Variants in SGMS1 observed in about 807,000 individuals in gnomAD.
The protein encoded by SGMS1 is phosphatidylcholine:ceramide cholinephosphotransferase 1.
SGMS1 carries 13 observed loss-of-function variants against 46.2 expected under a neutral mutation model. The ratio of observed to expected loss-of-function variants is 0.28; its 90% CI spans 0.18 to 0.45. The LOEUF is 0.45. Among genes scored for constraint, SGMS1 ranks in the 20% least tolerant of loss-of-function variants. SGMS1 has a pLI of 1.00. For missense variants in SGMS1, 324 were observed against 519.9 expected, an observed-to-expected ratio of 0.62 and a Z score of 3.66; for synonymous variants, 203 against 187.8, an observed-to-expected ratio of 1.08 and a Z score of -0.66.
At chr10:50,561,518 C>T (rs868102355) in intron 2 of SGMS1, among the ~76,000 whole-genome samples, 1 of 152,216 alleles carries the variant, frequency 6.6e-6, no homozygotes, top group African/African-American at 2.4e-5. Flanking sequence ...TAGTTCGTCA[C>T]ATTGATGCCA....
In SGMS1 at chr10:50,514,219, G is replaced by A. The variant is rs1473783020; in HGVS notation, c.-498+5612C>T. ...TGTCCATTTTTCCAAACTCATAAAA[G>A]GGCGAGGAGAAGAAAAACTAACATT... On this transcript the variant is annotated intron_variant, in intron 3 of 10. Coordinates refer to ENST00000361781, the MANE Select transcript of SGMS1 (RefSeq NM_147156.4). Among the ~76,000 whole-genome samples the A allele has an allele frequency of 3.9e-5, 6 of 152,128 alleles. No individual in the cohort carries two copies. The East Asian group carries it at 9.6e-4, about 24-fold the overall frequency.
chr10:50,355,569 T>G (rs1281785991), intron 6 of SGMS1, among the ~76,000 whole-genome samples: 1 of 152,142 alleles, frequency 6.6e-6, no homozygotes, highest in African/African-American at 2.4e-5. Flanking sequence ...TCTCGCTCAC[T>G]CAGTGCTCAA....
chr10:50,624,971 G>A, upstream of SGMS1: 1 of 1,039,926 alleles, frequency 9.6e-7, no homozygotes, highest in South Asian at 2.6e-5. Flanking sequence ...CGGCCATCGG[G>A]CCGCGGGCGC....
chr10:50,483,227 G>A (rs1837492333), intron 3 of SGMS1, among the ~76,000 whole-genome samples: 2 of 152,118 alleles, frequency 1.3e-5, no homozygotes, highest in South Asian at 4.1e-4. Context: ...TTAGAGGCAT[G>A]CACCACCATA....
rs1847877816 is a variant in SGMS1, at chr10:50,344,306, A to T, written c.-192T>A. ...AGCTGTCCAGGGTTCCTGAGCGCCCAAGTATTAATTCACCTCATTTTTGAG... is the reference window on the plus strand; with the variant it reads ...AGCTGTCCAGGGTTCCTGAGCGCCCTAGTATTAATTCACCTCATTTTTGAG... On this transcript the variant is annotated 5_prime_UTR_variant, in exon 7 of 11. Transcript: ENST00000361781. 1.6e-5 allele frequency: 9 copies of T among 574,750 alleles called. No individual in the cohort carries two copies. The highest frequency in any genetic ancestry group is 2.6e-5 in the Non-Finnish European group (9 of 344,142). 35.6% of individuals were successfully genotyped at this position (574,750 alleles called of 1,614,324 possible).
chr10:50,316,492 T>C (rs765526460), intron 8 of SGMS1, among the ~76,000 whole-genome samples: 6 of 152,194 alleles, frequency 3.9e-5, no homozygotes, highest in Non-Finnish European at 7.3e-5. Context: ...CTCACAAGCT[T>C]GGATAAACCA....
chr10:50,559,053 C>A (rs1372816694), intron 2 of SGMS1, among the ~76,000 whole-genome samples: 1 of 152,096 alleles, frequency 6.6e-6, no homozygotes, highest in Admixed American at 6.5e-5. Flanking sequence ...CTGCTGCAGA[C>A]TGGCCCAGAG....
chr10:50,504,670 C>T (rs1195918530), intron 3 of SGMS1, among the ~76,000 whole-genome samples: 2 of 152,086 alleles, frequency 1.3e-5, no homozygotes, highest in South Asian at 2.1e-4. Context: ...ACTATATACA[C>T]AGCCTCCTAT....
chr10:50,356,362 A>G (rs1459021634), intron 6 of SGMS1, among the ~76,000 whole-genome samples: 4 of 152,092 alleles, frequency 2.6e-5, no homozygotes, highest in East Asian at 1.9e-4. Context: ...AAGGCAGCAT[A>G]CTCCTTAAGA....
intron 1 of SGMS1, among the ~76,000 whole-genome samples, chr10:50,609,748 A>G (rs1161217800): frequency 6.6e-6 from 1 of 152,160 alleles, no homozygotes; most frequent in Non-Finnish European, 1.5e-5. Context: ...ATTTCTTAAA[A>G]TAAGCCCCTA....
chr10:50,562,105 C>T (rs967095418), intron 2 of SGMS1, among the ~76,000 whole-genome samples: 2 of 152,150 alleles, frequency 1.3e-5, no homozygotes, highest in Admixed American at 6.5e-5. Context: ...CTCAGGCCTA[C>T]GCTTTCTTTT....
chr10:50,474,224 GACA>G (rs1837400948), intron 3 of SGMS1: 1 of 152,186 alleles, frequency 6.6e-6, no homozygotes, highest in Non-Finnish European at 1.5e-5. Context: ...ACCTACCACT[GACA>G]TATTTAGTAA....
At chr10:50,488,103 T>A (rs1279047665) in intron 3 of SGMS1, among the ~76,000 whole-genome samples, 1 of 152,004 alleles carries the variant, frequency 6.6e-6, no homozygotes, top group Non-Finnish European at 1.5e-5. Context: ...AACCTCTGCC[T>A]CCTGGGTTCT....
rs143713324 is a variant in SGMS1 at position 50,574,963 on chromosome 10, G to GTATATATATATATA, written c.-589+15176_-589+15189dup. ...AAACATTTTAAAAGGAAAATGTGGT[G>GTATATATATATATA]TATATATATATATATATATATAAAA... On this transcript the variant is annotated intron_variant, in intron 2 of 10. Coordinates refer to ENST00000361781, the MANE Select transcript of SGMS1 (RefSeq NM_147156.4). 5.8e-3 allele frequency among the ~76,000 whole-genome samples: 575 copies of GTATATATATATATA among 99,834 alleles called. 14 individuals carry two copies. The highest frequency in any genetic ancestry group is 0.027 in the East Asian group (55 of 2,042). The allele number at this position is 99,834 out of a possible 152,430, so 65.5% of individuals were successfully genotyped here.
intron 3 of SGMS1, among the ~76,000 whole-genome samples, chr10:50,493,647 G>T (rs1418300796): frequency 6.6e-6 from 1 of 152,002 alleles, no homozygotes; most frequent in Non-Finnish European, 1.5e-5. Context: ...ATTAAAAAGT[G>T]GGCAAGGGAC....
upstream of SGMS1, among the ~76,000 whole-genome samples, chr10:50,624,367 C>T (rs1323999475): frequency 3.9e-5 from 6 of 152,182 alleles, no homozygotes; most frequent in African/African-American, 1.4e-4. Context: ...TTCTTTTTCC[C>T]ACCAAGCCCA....
At chr10:50,617,024 G>C (rs1838804407) in intron 1 of SGMS1, among the ~76,000 whole-genome samples, 1 of 152,126 alleles carries the variant, frequency 6.6e-6, no homozygotes, top group African/African-American at 2.4e-5. Flanking sequence ...AAGAAAAGTA[G>C]GGGCTCATTC....
At chr10:50,320,147 A>T (rs1847417106) in intron 8 of SGMS1, among the ~76,000 whole-genome samples, 1 of 152,142 alleles carries the variant, frequency 6.6e-6, no homozygotes. Flanking sequence ...CATGTGGATC[A>T]TCTTTCTCAC....
intron 3 of SGMS1, among the ~76,000 whole-genome samples, chr10:50,500,630 C>T (rs1161787573): frequency 6.6e-6 from 1 of 152,072 alleles, no homozygotes; most frequent in Admixed American, 6.5e-5. Context: ...TTTAAATTGA[C>T]CCTTAAAGTT....
Sources: gnomAD v4.1 joint callset for allele counts (sites outside exome capture counted in the v4.1 genomes callset) on GRCh38, gnomAD v4.1.1 for gene constraint, MANE v1.5 for transcripts, NCBI Gene and HGNC (gene_info 2026-07-23, HGNC 2026-07-21) for gene names.